TMPRSS7: variants seen among roughly 807,000 people sequenced by gnomAD.
The protein encoded by TMPRSS7 is transmembrane protease serine 7.
In TMPRSS7, 81 loss-of-function variants were observed where a neutral mutation model predicts 95.6. The observed-to-expected ratio is 0.85, with a 90% CI of 0.71 to 1.02. The LOEUF is 1.02. Among genes scored for constraint, TMPRSS7 ranks in the 50% least tolerant of loss-of-function variants. The pLI is 0.00. For missense variants in TMPRSS7, 945 were observed against 955.2 expected (o/e 0.99, Z 0.14); for synonymous variants, 364 against 337.8 (o/e 1.08, Z -0.85).
intron 13 of TMPRSS7, among the ~76,000 whole-genome samples, chr3:112,070,821 A>C (rs1278847333): frequency 6.6e-6 from 1 of 152,238 alleles, no homozygotes; most frequent in South Asian, 2.1e-4. Flanking sequence ...GTGCGTGTGC[A>C]CAACGTGCAG....
intron 3 of TMPRSS7, 23 bp from the exon 4 acceptor site, chr3:112,044,232 A>T: frequency 1.3e-6 from 2 of 1,486,362 alleles, no homozygotes; most frequent in South Asian, 2.4e-5. Flanking sequence ...AATACTTCAG[A>T]TACCTCAACT....
At position 112,078,765 on chromosome 3, in the gene TMPRSS7, C is replaced by T; in HGVS notation, c.2248C>T (p.Gln750Ter). The T allele has an allele frequency of 6.2e-7, 1 of 1,614,204 alleles. No individual in the cohort carries two copies. The highest frequency in any genetic ancestry group is 8.5e-7 in the Non-Finnish European group (1 of 1,180,028). ...AGATAATAAAGGCTCCCTCGTTCTG[C>T]AGCAAGCGGAGGTAGAGCTCATTGA... Residue 750 changes from glutamine (Q) to a stop codon, truncating the protein, a stop_gained, in exon 17 of 18, where the codon CAG becomes TAG. Transcript: ENST00000452346. LOFTEE classifies it high-confidence loss of function.
chr3:112,078,113 C>T (rs531460323), intron 16 of TMPRSS7, among the ~76,000 whole-genome samples: 1 of 152,246 alleles, frequency 6.6e-6, no homozygotes, highest in East Asian at 1.9e-4. Context: ...CTCAGGGTCC[C>T]AAGGAGGGAA....
chr3:112,051,075 A>T (rs181863586), intron 9 of TMPRSS7, among the ~76,000 whole-genome samples: 9 of 152,202 alleles, frequency 5.9e-5, no homozygotes, highest in African/African-American at 2.2e-4. Context: ...CACATTTATC[A>T]ATTTTTAATT....
chr3:112,045,964 C>T, intron 5 of TMPRSS7, 21 bp downstream of exon 5: 1 of 1,536,026 alleles, frequency 6.5e-7, no homozygotes, highest in Non-Finnish European at 8.8e-7. Context: ...GGTAATTTTC[C>T]TTTAGCATTC....
intron 10 of TMPRSS7, among the ~76,000 whole-genome samples, chr3:112,061,197 G>T (rs889562304): frequency 6.6e-6 from 1 of 152,134 alleles, no homozygotes; most frequent in African/African-American, 2.4e-5. Flanking sequence ...TAACAGGAGG[G>T]ATATTTTCTC....
At chr3:112,053,468 C>T (rs1445354159) in intron 9 of TMPRSS7, among the ~76,000 whole-genome samples, 1 of 152,152 alleles carries the variant, frequency 6.6e-6, no homozygotes, top group Non-Finnish European at 1.5e-5. Flanking sequence ...ACGTGCCAGG[C>T]TCTATATGGG....
At chr3:112,076,659 C>G (rs1314005588) in intron 15 of TMPRSS7, among the ~76,000 whole-genome samples, 1 of 152,164 alleles carries the variant, frequency 6.6e-6, no homozygotes, top group Non-Finnish European at 1.5e-5. Context: ...ACTTGCCACT[C>G]CTAATACAGC....
chr3:112,044,217 T>G lies in TMPRSS7; in HGVS notation c.430-38T>G, dbSNP rs75926271. 1,148 of 1,410,952 alleles carry G rather than the reference T, an allele frequency of 8.1e-4. 4 individuals carry two copies. In the African/African-American group the frequency reaches 0.014, roughly 17 times the overall value. The allele number at this position is 1,410,952 out of a possible 1,614,324, so 87.4% of individuals were successfully genotyped here. A position where few individuals can be genotyped will look rare whatever the true frequency, so the allele number is the denominator to read the frequency against. On this transcript the variant is annotated intron_variant, in intron 3 of 17. Transcript: ENST00000452346. ...TAAGATACTGTAAAAGGAAGTCAAGTATGAAATACTTCAGATACCTCAACT... is the reference window on the plus strand; with the variant it reads ...TAAGATACTGTAAAAGGAAGTCAAGGATGAAATACTTCAGATACCTCAACT...
chr3:112,072,082 T>C (rs1392990182), intron 13 of TMPRSS7, among the ~76,000 whole-genome samples: 1 of 152,190 alleles, frequency 6.6e-6, no homozygotes, highest in Non-Finnish European at 1.5e-5. Flanking sequence ...ATCTTTGTGG[T>C]TTTATCTACC....
chr3:112,057,873 G>A (rs1455757012), intron 10 of TMPRSS7, among the ~76,000 whole-genome samples: 4 of 152,024 alleles, frequency 2.6e-5, no homozygotes, highest in South Asian at 2.1e-4. Flanking sequence ...CTACAGGCAC[G>A]CACCACCATA....
In TMPRSS7 at chr3:112,077,114, G is replaced by A; in HGVS notation, c.2194G>A (p.Val732Ile). The change falls in exon 16 of 18, where the codon GTA becomes ATA. Residue 732 changes from valine to isoleucine, a missense_variant. Physicochemically the swap from Val to Ile is conservative, Grantham distance 29. Transcript: ENST00000452346. ...AGTTCGCAGTGGGGAGAAGTGCTGG[G>A]TAACTGGCTGGGGGCGAAGACACGA... 8 of 1,614,150 alleles carry A rather than the reference G, an allele frequency of 5.0e-6. 1 individual carries two copies. The highest frequency in any genetic ancestry group is 4.5e-5 in the East Asian group (2 of 44,876).
intron 17 of TMPRSS7, among the ~76,000 whole-genome samples, chr3:112,079,641 T>G (rs1420886820): frequency 1.3e-5 from 2 of 152,162 alleles, no homozygotes; most frequent in East Asian, 3.8e-4. Flanking sequence ...GATTGCATAC[T>G]CCTGATTTAG....
intron 13 of TMPRSS7, 21 bp from the exon 14 acceptor site, chr3:112,074,275 T>G (rs543410683): frequency 6.4e-7 from 1 of 1,555,632 alleles, no homozygotes; most frequent in South Asian, 1.1e-5. Context: ...GAAAGCTGTT[T>G]CTTCTTTTGT....
At chr3:112,060,068 T>C (rs985301544) in intron 10 of TMPRSS7, among the ~76,000 whole-genome samples, 17 of 152,294 alleles carry the variant, frequency 1.1e-4, no homozygotes, top group Non-Finnish European at 2.1e-4. Flanking sequence ...AGACATCACA[T>C]GTTGGTAGAT....
intron 4 of TMPRSS7, 141 bp downstream of exon 4, chr3:112,044,463 C>T (rs578082555): frequency 2.0e-5 from 14 of 695,204 alleles, no homozygotes; most frequent in Admixed American, 1.7e-4. Context: ...GCACAACTAG[C>T]GACTCAACTC....
At chr3:112,068,413 G>A (rs2073602186) in intron 13 of TMPRSS7, among the ~76,000 whole-genome samples, 1 of 152,210 alleles carries the variant, frequency 6.6e-6, no homozygotes, top group Admixed American at 6.5e-5. Flanking sequence ...ATTAGCTTCG[G>A]CAGTATGGCC....
At chr3:112,045,180 C>G (rs2073262609) in intron 4 of TMPRSS7, among the ~76,000 whole-genome samples, 1 of 152,174 alleles carries the variant, frequency 6.6e-6, no homozygotes, top group African/African-American at 2.4e-5. Flanking sequence ...CAGAGTCTCG[C>G]TCTGTCGCCC....
At chr3:112,046,996 G>T in exon 6 of TMPRSS7, 1 of 702,560 alleles carries the variant, frequency 1.4e-6, no homozygotes, top group African/African-American at 1.7e-5. Context: ...CGGATTACTC[G>T]TCAACCATAG....
Sources: gnomAD v4.1 joint callset for allele counts (sites outside exome capture counted in the v4.1 genomes callset) on GRCh38, gnomAD v4.1.1 for gene constraint, MANE v1.5 for transcripts, NCBI Gene and HGNC (gene_info 2026-07-23, HGNC 2026-07-21) for gene names.